ODAD2: variants seen among roughly 807,000 people sequenced by gnomAD.
ODAD2 encodes the protein outer dynein arm-docking complex subunit 2.
In ODAD2, 89 loss-of-function variants were observed where a neutral mutation model predicts 106.8. The ratio of observed to expected loss-of-function variants is 0.83; its 90% confidence interval spans 0.70 to 0.99. The LOEUF (loss-of-function observed/expected upper bound fraction) is 0.99, where lower values mean the gene tolerates loss of function less well. ODAD2 is among the 50% of genes least tolerant of loss of function. ODAD2 has a pLI of 0.00. For synonymous variants in ODAD2, 404 were observed against 436.2 expected, an observed-to-expected ratio of 0.93 and a Z score of 0.92; for missense variants, 1,168 against 1,238.5, an observed-to-expected ratio of 0.94 and a Z score of 0.85.
intron 3 of ODAD2, among the ~76,000 whole-genome samples, chr10:27,985,797 T>TTA (rs982484052): frequency 3.3e-5 from 5 of 150,122 alleles, no homozygotes; most frequent in Admixed American, 6.7e-5. Flanking sequence ...CATAATTTAA[T>TTA]TATATATATA....
rs886041523 is a variant in ODAD2 at position 27,935,098 on chromosome 10, CA to C, written c.2406del (p.Val803Ter). ...TGGTTTATTCCAACAAGGAGGTTCA[CA>C]AGTGGTTGAATGCCACCACATTTCC... ...IVRKCGGIQP[L>X]VNLLVGINQA... On this transcript the variant is annotated frameshift_variant, in exon 16 of 20. Coordinates refer to ENST00000305242, the MANE Select transcript of ODAD2 (RefSeq NM_018076.5). LOFTEE classifies it high-confidence loss of function. The C allele has an allele frequency of 6.2e-7, 1 of 1,614,002 alleles. No homozygotes were observed. Among genetic ancestry groups the C allele is most frequent in the Non-Finnish European group, 8.5e-7 (1 of 1,179,906 alleles).
At chr10:27,990,927 G>T (rs1564583870) in intron 2 of ODAD2, among the ~76,000 whole-genome samples, 1 of 152,108 alleles carries the variant, frequency 6.6e-6, no homozygotes, top group East Asian at 1.9e-4. Context: ...TAGCACATTT[G>T]ATTCAAAATC....
At chr10:27,871,846 T>C (rs1840920060) in intron 17 of ODAD2, among the ~76,000 whole-genome samples, 1 of 152,160 alleles carries the variant, frequency 6.6e-6, no homozygotes, top group Non-Finnish European at 1.5e-5. Flanking sequence ...CAGGGTCTTT[T>C]TTGGTTCCAC....
intron 19 of ODAD2, among the ~76,000 whole-genome samples, chr10:27,824,089 C>T (rs1018104554): frequency 9.7e-6 from 1 of 102,958 alleles, no homozygotes; most frequent in East Asian, 3.7e-4. Flanking sequence ...TGCAGTGAGC[C>T]GAGATTGCGC....
rs114682555 is a variant in ODAD2, at chr10:27,897,814, G to C, written c.2610+9849C>G. ...GGGCTGGAGGCAGGGAGTATTCAGA[G>C]GGTAGGTGAAGTTCAAGAGAAATGG... On this transcript the variant is annotated intron_variant, in intron 17 of 19. Coordinates refer to ENST00000305242, the MANE Select transcript of ODAD2 (RefSeq NM_018076.5). Among the ~76,000 whole-genome samples, 1,454 of 152,180 alleles carry C rather than the reference G, an allele frequency of 9.6e-3. 23 individuals are homozygous for C. Among genetic ancestry groups the C allele is most frequent in the African/African-American group, 0.033 (1,369 of 41,520 alleles).
chr10:27,868,051 C>T (rs1345462812), intron 17 of ODAD2, among the ~76,000 whole-genome samples: 2 of 151,774 alleles, frequency 1.3e-5, no homozygotes, highest in East Asian at 1.9e-4. Context: ...CAAAAGAAGA[C>T]ATTTATGCGG....
At chr10:27,991,003 G>A (rs1217344135) in intron 2 of ODAD2, among the ~76,000 whole-genome samples, 1 of 152,158 alleles carries the variant, frequency 6.6e-6, no homozygotes, top group East Asian at 1.9e-4. Flanking sequence ...GTGATTCTGA[G>A]CGCTTATCCA....
chr10:27,818,832 G>A (rs1209053924), intron 19 of ODAD2, among the ~76,000 whole-genome samples: 2 of 152,130 alleles, frequency 1.3e-5, no homozygotes, highest in Admixed American at 6.5e-5. Context: ...TCAACTACCT[G>A]AGAAGGAATC....
intron 14 of ODAD2, among the ~76,000 whole-genome samples, chr10:27,939,209 C>T (rs1441608828): frequency 1.3e-5 from 2 of 152,102 alleles, no homozygotes; most frequent in Non-Finnish European, 2.9e-5. Context: ...ATTATTTGAA[C>T]AGGACATATT....
chr10:27,878,942 AC>A (rs1392653995), intron 17 of ODAD2, among the ~76,000 whole-genome samples: 1 of 152,154 alleles, frequency 6.6e-6, no homozygotes, highest in African/African-American at 2.4e-5. Flanking sequence ...ATCAATTATT[AC>A]CCTTGTCCTT....
rs141309423 is a variant in ODAD2, at chr10:27,841,801, C to T, written c.3021+18824G>A. On this transcript the variant is annotated intron_variant, in intron 19 of 19. Coordinates refer to ENST00000305242, the MANE Select transcript of ODAD2 (RefSeq NM_018076.5). ...AAAGGATCTTGCTCTGTCATTCAGGCTGGAGTATGGTAGTGCATTCACAGC... is the reference window on the plus strand; with the variant it reads ...AAAGGATCTTGCTCTGTCATTCAGGTTGGAGTATGGTAGTGCATTCACAGC... 1.5e-4 allele frequency among the ~76,000 whole-genome samples: 23 copies of T among 152,198 alleles called. No individual in the cohort carries two copies. The East Asian group carries it at 4.3e-3, about 28-fold the overall frequency.
chr10:27,951,334 C>T (rs1338695569), intron 10 of ODAD2, among the ~76,000 whole-genome samples: 1 of 152,164 alleles, frequency 6.6e-6, no homozygotes, highest in South Asian at 2.1e-4. Flanking sequence ...AGGTACCTAT[C>T]TGGTCTACCA....
At chr10:27,969,514 A>G (rs1848694133) in intron 8 of ODAD2, among the ~76,000 whole-genome samples, 1 of 152,296 alleles carries the variant, frequency 6.6e-6, no homozygotes, top group Non-Finnish European at 1.5e-5. Context: ...CTTGCCAGTT[A>G]AAAAAGTTGC....
chr10:27,858,843 AC>A lies in ODAD2; in HGVS notation c.3021+1781del, dbSNP rs373505291. On this transcript the variant is annotated intron_variant, in intron 19 of 19. Transcript: ENST00000305242. Reference sequence around the variant, plus strand: ...TTTTGAGACAGAGTCTCGCTCTATCACCCAGGCTGGAGTGCAGTGGTGTGAT... The same window carrying A: ...TTTTGAGACAGAGTCTCGCTCTATCACCAGGCTGGAGTGCAGTGGTGTGAT... Among the ~76,000 whole-genome samples the A allele has an allele frequency of 1.7e-4, 22 of 133,172 alleles. No individual in the cohort carries two copies. The East Asian group carries it at 4.3e-3, about 26-fold the overall frequency. The allele number at this position is 133,172 out of a possible 152,430, so 87.4% of individuals were successfully genotyped here.
At chr10:27,924,641 C>G (rs1053651299) in intron 16 of ODAD2, among the ~76,000 whole-genome samples, 2 of 42,346 alleles carry the variant, frequency 4.7e-5, no homozygotes, top group African/African-American at 9.4e-5. Flanking sequence ...AAAAAAAAAA[C>G]AGAAGAAAGC....
At chr10:27,901,211 C>T (rs980649539) in intron 17 of ODAD2, among the ~76,000 whole-genome samples, 1 of 152,150 alleles carries the variant, frequency 6.6e-6, no homozygotes, top group African/African-American at 2.4e-5. Context: ...TCCAGCCAAA[C>T]TAAGCTTCAT....
At chr10:27,994,289 C>T (rs1850416144) in intron 2 of ODAD2, among the ~76,000 whole-genome samples, 2 of 151,942 alleles carry the variant, frequency 1.3e-5, no homozygotes, top group Admixed American at 6.6e-5. Context: ...TCACCCCTCC[C>T]CGCCGCCTCC....
At chr10:27,861,488 C>A (rs953920021) in intron 18 of ODAD2, among the ~76,000 whole-genome samples, 1 of 152,136 alleles carries the variant, frequency 6.6e-6, no homozygotes, top group Non-Finnish European at 1.5e-5. Flanking sequence ...TTTTGTAATC[C>A]AAATATTTAT....
chr10:27,825,707 C>A (rs369678646), intron 19 of ODAD2, among the ~76,000 whole-genome samples: 2 of 152,304 alleles, frequency 1.3e-5, no homozygotes, highest in Admixed American at 6.5e-5. Context: ...AGGAACAAGA[C>A]AATCCATAGC....
Sources: allele counts gnomAD v4.1 joint callset (sites outside exome capture counted in the v4.1 genomes callset), GRCh38; gene constraint gnomAD v4.1.1; transcripts MANE v1.5; gene names NCBI Gene and HGNC (gene_info 2026-07-23, HGNC 2026-07-21).